LRP1B: variants seen among roughly 807,000 people sequenced by gnomAD.
LRP1B encodes the protein low-density lipoprotein receptor-related protein 1B.
Under a neutral mutation model 556.6 loss-of-function variants are expected in LRP1B, and 217 were observed. The observed-to-expected ratio is 0.39, with a 90% confidence interval of 0.35 to 0.44. LRP1B has a LOEUF of 0.44. LRP1B is among the 20% of genes least tolerant of loss of function. The pLI is 1.00. For synonymous variants in LRP1B, 2,047 were observed against 1,865.8 expected (o/e 1.10, Z -2.50); for missense variants, 5,053 against 5,620.8 (o/e 0.90, Z 3.23).
Position 140,813,641 on chromosome 2 carries a change from G to A in LRP1B, c.5359+16C>T, listed in dbSNP as rs2105035892. ...ATCAATACAAAGCAACCAAGCTATA[G>A]AATAATTTCACTTACCCATGATGGT... is the stretch of plus-strand genomic sequence containing the variant. On this transcript the variant is annotated intron_variant, in intron 32 of 90. Transcript: ENST00000389484. 6.2e-7 allele frequency: 1 copy of A among 1,611,274 alleles called. No homozygotes were observed. Among genetic ancestry groups the A allele is most frequent in the Non-Finnish European group, 8.5e-7 (1 of 1,178,152 alleles).
At chr2:140,981,655 T>C (rs35201327) in intron 18 of LRP1B, among the ~76,000 whole-genome samples, 7,975 of 152,218 alleles carry the variant, frequency 0.052, 413 homozygotes, top group East Asian at 0.27. Context: ...CTTAAACTAA[T>C]ATTGAGTTTG....
At chr2:140,342,300 C>T (rs1681436015) in intron 77 of LRP1B, among the ~76,000 whole-genome samples, 1 of 150,652 alleles carries the variant, frequency 6.6e-6, no homozygotes, top group Non-Finnish European at 1.5e-5. Context: ...GTATTTCTTA[C>T]TATGGTTATA....
At chr2:141,916,348 CTTATTTAT>C (rs61643665) in intron 1 of LRP1B, among the ~76,000 whole-genome samples, 61 of 141,896 alleles carry the variant, frequency 4.3e-4, no homozygotes, top group African/African-American at 1.5e-3. Flanking sequence ...CACGTTTTCA[CTTATTTAT>C]TTATTTATTT....
At chr2:141,218,473 T>C (rs1383265091) in intron 6 of LRP1B, among the ~76,000 whole-genome samples, 1 of 152,124 alleles carries the variant, frequency 6.6e-6, no homozygotes, top group African/African-American at 2.4e-5. Context: ...TGAAATCATG[T>C]CCTTTGCAGC....
chr2:141,922,897 C>G (rs957106626), intron 1 of LRP1B, among the ~76,000 whole-genome samples: 1 of 151,894 alleles, frequency 6.6e-6, no homozygotes, highest in Non-Finnish European at 1.5e-5. Context: ...CTCAGGAGTT[C>G]AAGACCAGCC....
chr2:141,812,000 T>C (rs1696373756), intron 1 of LRP1B, among the ~76,000 whole-genome samples: 1 of 152,096 alleles, frequency 6.6e-6, no homozygotes, highest in South Asian at 2.1e-4. Context: ...AGGTAAGATT[T>C]AGAGTAAATG....
chr2:142,063,427 A>G (rs2104896858), intron 1 of LRP1B, among the ~76,000 whole-genome samples: 1 of 151,746 alleles, frequency 6.6e-6, no homozygotes, highest in East Asian at 1.9e-4. Context: ...AATGAGTAGC[A>G]CTGAAACTGA....
At chr2:141,049,921 G>C (rs542814264) in intron 10 of LRP1B, among the ~76,000 whole-genome samples, 1 of 151,976 alleles carries the variant, frequency 6.6e-6, no homozygotes, top group African/African-American at 2.4e-5. Flanking sequence ...TGTCTCCTGA[G>C]TTTAAAATGT....
chr2:142,130,769 C>T lies in LRP1B; in HGVS notation c.-40G>A. 3 of 1,560,718 alleles carry T rather than the reference C, an allele frequency of 1.9e-6. No homozygotes were observed. Among genetic ancestry groups the T allele is most frequent in the Non-Finnish European group, 1.8e-6 (2 of 1,140,432 alleles). ...AAGGAAGCCTGCGCTGGAGACTGCT[C>T]GGCGGCACCTTCGGCCCGGCGGCGG... On this transcript the variant is annotated 5_prime_UTR_variant, in exon 1 of 91. Coordinates refer to ENST00000389484, the MANE Select transcript of LRP1B (RefSeq NM_018557.3).
chr2:141,780,614 T>TAC (rs1242913645), intron 2 of LRP1B, among the ~76,000 whole-genome samples: 1 of 152,126 alleles, frequency 6.6e-6, no homozygotes, highest in Admixed American at 6.6e-5. Flanking sequence ...TTGGAAGAGC[T>TAC]ACACACAGCC....
At chr2:141,338,976 G>A (rs1418888673) in intron 3 of LRP1B, among the ~76,000 whole-genome samples, 1 of 151,776 alleles carries the variant, frequency 6.6e-6, no homozygotes, top group Admixed American at 6.6e-5. Context: ...CATAGGATAT[G>A]ACAGGCGTTC....
At chr2:140,570,802 C>A (rs957300059) in intron 43 of LRP1B, among the ~76,000 whole-genome samples, 3 of 151,610 alleles carry the variant, frequency 2.0e-5, no homozygotes, top group African/African-American at 7.3e-5. Flanking sequence ...TAGCAGCACA[C>A]TGAAAAGATC....
chr2:141,569,043 T>C (rs531120160), intron 2 of LRP1B, among the ~76,000 whole-genome samples: 2 of 151,034 alleles, frequency 1.3e-5, no homozygotes, highest in South Asian at 4.2e-4. Context: ...TCTGGGATTA[T>C]AGGTGTGAGC....
chr2:140,563,140 T>G (rs1680994013), intron 43 of LRP1B, among the ~76,000 whole-genome samples: 1 of 151,864 alleles, frequency 6.6e-6, no homozygotes, highest in Non-Finnish European at 1.5e-5. Context: ...ATCTAATCCA[T>G]GAATCCATGA....
At chr2:141,700,236 C>T (rs1175156710) in intron 2 of LRP1B, among the ~76,000 whole-genome samples, 1 of 151,772 alleles carries the variant, frequency 6.6e-6, no homozygotes, top group Non-Finnish European at 1.5e-5. Flanking sequence ...TAACGTTCTA[C>T]TCAAATCCCA....
chr2:141,019,043 A>G (rs1697991488), intron 12 of LRP1B, among the ~76,000 whole-genome samples: 1 of 152,086 alleles, frequency 6.6e-6, no homozygotes, highest in East Asian at 1.9e-4. Flanking sequence ...CATGGAAGGA[A>G]AAACACTCCA....
At chr2:140,887,910 G>A (rs1693686684) in intron 23 of LRP1B, among the ~76,000 whole-genome samples, 2 of 152,122 alleles carry the variant, frequency 1.3e-5, no homozygotes, top group Non-Finnish European at 2.9e-5. Context: ...AACAGGAAGT[G>A]ATTGCAAATG....
intron 66 of LRP1B, among the ~76,000 whole-genome samples, chr2:140,416,085 G>C (rs532375863): frequency 6.6e-6 from 1 of 152,102 alleles, no homozygotes; most frequent in Non-Finnish European, 1.5e-5. Context: ...AGTGGCAGGC[G>C]AGCTAGCCAA....
At chr2:141,132,136 G>GTTTC (rs1287509446) in intron 7 of LRP1B, among the ~76,000 whole-genome samples, 1 of 151,936 alleles carries the variant, frequency 6.6e-6, no homozygotes, top group Non-Finnish European at 1.5e-5. Flanking sequence ...TAATAATACA[G>GTTTC]TTTCTATGGT....
Sources: gnomAD v4.1 joint callset for allele counts (sites outside exome capture counted in the v4.1 genomes callset) on GRCh38, gnomAD v4.1.1 for gene constraint, MANE v1.5 for transcripts, NCBI Gene and HGNC (gene_info 2026-07-23, HGNC 2026-07-21) for gene names.